Variants in ANO6 observed in about 807,000 individuals in gnomAD.
ANO6 encodes the protein anoctamin-6.
In ANO6, 106 loss-of-function variants were observed where a neutral mutation model predicts 117.5. That is an observed-to-expected ratio of 0.90 (90% CI 0.77 to 1.06). ANO6 has a LOEUF of 1.06. ANO6 is among the 50% of genes least tolerant of loss of function. The pLI, the probability that ANO6 is intolerant of heterozygous loss-of-function variation, is 0.00. For synonymous variants in ANO6, 367 were observed against 385.1 expected, an observed-to-expected ratio of 0.95 and a Z score of 0.55; for missense variants, 955 against 1,121.1, an observed-to-expected ratio of 0.85 and a Z score of 2.12.
At chr12:45,386,741 C>T (rs1287071162) in intron 10 of ANO6, among the ~76,000 whole-genome samples, 1 of 152,256 alleles carries the variant, frequency 6.6e-6, no homozygotes, top group Non-Finnish European at 1.5e-5. Flanking sequence ...CTTTCACTTA[C>T]TACCAGATTA....
At chr12:45,292,797 A>G (rs1422546686) in intron 1 of ANO6, 8 of 1,487,290 alleles carry the variant, frequency 5.4e-6, no homozygotes, top group Non-Finnish European at 7.2e-6. Flanking sequence ...AACTCTTCTC[A>G]GAAATATTGC....
intron 1 of ANO6, among the ~76,000 whole-genome samples, chr12:45,219,438 C>T (rs1947363789): frequency 6.6e-6 from 1 of 151,886 alleles, no homozygotes; most frequent in African/African-American, 2.4e-5. Context: ...CAGGCTCAAG[C>T]AATTCTCCAA....
chr12:45,339,827 G>A (rs140461505), intron 3 of ANO6, among the ~76,000 whole-genome samples: 5 of 152,082 alleles, frequency 3.3e-5, no homozygotes, highest in Middle Eastern at 6.8e-3. Flanking sequence ...AAAAAGATTG[G>A]CAAGTTGAAA....
chr12:45,372,942 T>A (rs1432287048), intron 9 of ANO6, among the ~76,000 whole-genome samples: 1 of 152,140 alleles, frequency 6.6e-6, no homozygotes, highest in Non-Finnish European at 1.5e-5. Context: ...TCAAGACCCA[T>A]CAGTGTGCTG....
chr12:45,430,930 G>A lies in ANO6; in HGVS notation c.*1619G>A. The A allele has an allele frequency of 1.0e-6, 1 of 985,400 alleles. No homozygotes were observed. The highest frequency in any genetic ancestry group is 4.7e-5 in the South Asian group (1 of 21,280). The allele number at this position is 985,400 out of a possible 1,614,324, so 61.0% of individuals were successfully genotyped here. ...TTCACTGGGATGCTGTTAAACACCAGAGGAGCCAACCTATCAGAATCCCAG... is the reference window on the plus strand; with the variant it reads ...TTCACTGGGATGCTGTTAAACACCAAAGGAGCCAACCTATCAGAATCCCAG... On this transcript the variant is annotated 3_prime_UTR_variant, in exon 20 of 20. Transcript: ENST00000320560.
At chr12:45,381,087 C>A (rs953562809) in intron 10 of ANO6, among the ~76,000 whole-genome samples, 4 of 152,192 alleles carry the variant, frequency 2.6e-5, no homozygotes, top group Admixed American at 6.5e-5. Context: ...CAAACTCTTA[C>A]AGCAACCAGA....
intron 2 of ANO6, among the ~76,000 whole-genome samples, chr12:45,307,022 T>C (rs558597635): frequency 1.8e-4 from 27 of 152,130 alleles, no homozygotes; most frequent in African/African-American, 6.5e-4. Context: ...TTTAAGGAAA[T>C]GGAAGACCAC....
intron 2 of ANO6, 31 bp from the exon 3 acceptor site, chr12:45,331,264 A>G (rs1592976206): frequency 1.9e-6 from 3 of 1,577,026 alleles, no homozygotes; most frequent in Non-Finnish European, 2.6e-6. Flanking sequence ...AAAAAATTAT[A>G]TATTACAATT....
intron 2 of ANO6, among the ~76,000 whole-genome samples, chr12:45,303,513 G>C (rs553877217): frequency 6.6e-6 from 1 of 152,104 alleles, no homozygotes; most frequent in Admixed American, 6.5e-5. Flanking sequence ...GTGTTGGTGC[G>C]CCTGGTAAAC....
intron 1 of ANO6, among the ~76,000 whole-genome samples, chr12:45,226,272 C>T (rs1016107335): frequency 6.6e-6 from 1 of 152,128 alleles, no homozygotes; most frequent in African/African-American, 2.4e-5. Flanking sequence ...AAAGATCTTG[C>T]TGCAGTAAGT....
At chr12:45,287,357 C>T (rs566527454) in intron 1 of ANO6, among the ~76,000 whole-genome samples, 1 of 152,256 alleles carries the variant, frequency 6.6e-6, no homozygotes, top group East Asian at 1.9e-4. Flanking sequence ...TGATCTTATG[C>T]AAAATACCTA....
Position 45,432,286 on chromosome 12 carries a change from T to A in ANO6, c.*2975T>A. 1 of 926,868 alleles carries A rather than the reference T, an allele frequency of 1.1e-6. No homozygotes were observed. Among genetic ancestry groups the A allele is most frequent in the Non-Finnish European group, 1.3e-6 (1 of 778,042 alleles). The allele number at this position is 926,868 out of a possible 1,614,324, so 57.4% of individuals were successfully genotyped here. ...TTCTTTTATAATTATTAATGTTAAT[T>A]TCTGTGCATTTTAATATTCTTTTAT... On this transcript the variant is annotated 3_prime_UTR_variant, in exon 20 of 20. Transcript: ENST00000320560.
chr12:45,308,293 T>C (rs1939742452), intron 2 of ANO6, among the ~76,000 whole-genome samples: 1 of 151,946 alleles, frequency 6.6e-6, no homozygotes, highest in Admixed American at 6.6e-5. Flanking sequence ...TGGCCATAGC[T>C]GTAGGGACTG....
At position 45,439,908 on chromosome 12, in the gene ANO6, G is replaced by A. The variant is rs111621888; in HGVS notation, c.2760G>A (p.Pro920=). ...TTCTACTTTCTTTGGGGCCAACTCC[G>A]TGTTTTTCTGTATCGAATTTCTTAA... The change falls in exon 20 of 20, where the codon CCG becomes CCA. Residue 920 remains proline (P), a synonymous_variant. Coordinates refer to the ANO6 transcript ENST00000425752. 8.3e-4 allele frequency: 1,241 copies of A among 1,494,092 alleles called. 6 individuals carry two copies. Among genetic ancestry groups the A allele is most frequent in the South Asian group, 2.4e-3 (171 of 70,796 alleles). 92.6% of individuals were successfully genotyped at this position (1,494,092 alleles called of 1,614,324 possible). A position where few individuals can be genotyped will look rare whatever the true frequency, so the allele number is the denominator to read the frequency against.
At chr12:45,327,626 A>G (rs1157042216) in intron 2 of ANO6, among the ~76,000 whole-genome samples, 2 of 152,206 alleles carry the variant, frequency 1.3e-5, no homozygotes, top group African/African-American at 2.4e-5. Flanking sequence ...ATAGATGTTT[A>G]TAAAACAGTA....
chr12:45,288,032 A>G (rs1485228400), intron 1 of ANO6, among the ~76,000 whole-genome samples: 6 of 152,136 alleles, frequency 3.9e-5, no homozygotes, highest in Non-Finnish European at 8.8e-5. Context: ...GCACCACGAG[A>G]GTCCCCTCCA....
intron 17 of ANO6, among the ~76,000 whole-genome samples, chr12:45,418,217 A>G (rs1332138670): frequency 1.3e-5 from 2 of 152,218 alleles, no homozygotes; most frequent in Non-Finnish European, 2.9e-5. Context: ...GTTTTATACA[A>G]TAAAACAAGT....
intron 1 of ANO6, among the ~76,000 whole-genome samples, chr12:45,233,500 T>A (rs1947604347): frequency 6.6e-6 from 1 of 152,206 alleles, no homozygotes; most frequent in Admixed American, 6.5e-5. Flanking sequence ...CTAATACCTC[T>A]AATTCCTTTC....
intron 10 of ANO6, among the ~76,000 whole-genome samples, chr12:45,382,039 G>A (rs149567812): frequency 6.6e-4 from 100 of 152,160 alleles, no homozygotes; most frequent in African/African-American, 2.1e-3. Flanking sequence ...CAGACAGAAA[G>A]TGACAAGCAT....
Sources: gnomAD v4.1 joint callset for allele counts (sites outside exome capture counted in the v4.1 genomes callset) on GRCh38, gnomAD v4.1.1 for gene constraint, MANE v1.5 for transcripts, NCBI Gene and HGNC (gene_info 2026-07-23, HGNC 2026-07-21) for gene names.